STX18: variants seen among roughly 807,000 people sequenced by gnomAD.
The protein encoded by STX18 is syntaxin 18.
In STX18, 40 loss-of-function variants were observed where a neutral mutation model predicts 50.1. That is an observed-to-expected ratio of 0.80 (90% confidence interval 0.62 to 1.04). The LOEUF (loss-of-function observed/expected upper bound fraction) is 1.04, where lower values mean the gene tolerates loss of function less well. STX18 is among the 50% of genes least tolerant of loss of function. The pLI, the probability that STX18 is intolerant of heterozygous loss-of-function variation, is 0.00. For synonymous variants in STX18, 158 were observed against 151.8 expected (o/e 1.04, Z -0.30); for missense variants, 410 against 415.8 (o/e 0.99, Z 0.12).
chr4:4,483,879 G>A (rs1200034720), intron 1 of STX18, among the ~76,000 whole-genome samples: 1 of 149,588 alleles, frequency 6.7e-6, no homozygotes, highest in Admixed American at 6.6e-5. Flanking sequence ...TTTCCTTTTT[G>A]AGACAGAGTG....
At chr4:4,462,691 C>CT (rs1727442997) in intron 2 of STX18, among the ~76,000 whole-genome samples, 1 of 150,202 alleles carries the variant, frequency 6.7e-6, no homozygotes, top group African/African-American at 2.4e-5. Context: ...GCAAAACCAC[C>CT]TTAAAAAAAA....
chr4:4,487,229 T>TG (rs1728738420), intron 1 of STX18, among the ~76,000 whole-genome samples: 2 of 152,078 alleles, frequency 1.3e-5, no homozygotes, highest in South Asian at 2.1e-4. Flanking sequence ...TGGCCATCAG[T>TG]GGGGGTTTGT....
chr4:4,491,047 A>G (rs980112454), intron 1 of STX18, among the ~76,000 whole-genome samples: 1 of 152,002 alleles, frequency 6.6e-6, no homozygotes, highest in Non-Finnish European at 1.5e-5. Context: ...ATCAGTGTTT[A>G]CTTTTGTTGT....
intron 1 of STX18, chr4:4,507,259 G>C (rs191272099): frequency 2.9e-6 from 2 of 690,162 alleles, no homozygotes; most frequent in Admixed American, 3.6e-5. Context: ...GTACTATAAA[G>C]AGTCCGGCAT....
intron 1 of STX18, among the ~76,000 whole-genome samples, chr4:4,527,036 T>C (rs1296304394): frequency 6.6e-6 from 1 of 152,180 alleles, no homozygotes; most frequent in Non-Finnish European, 1.5e-5. Flanking sequence ...AACTTCCTCT[T>C]GTCATTGCTT....
chr4:4,492,303 G>A (rs1560191689), intron 1 of STX18, among the ~76,000 whole-genome samples: 1 of 152,086 alleles, frequency 6.6e-6, no homozygotes, highest in East Asian at 1.9e-4. Context: ...TTTCCACAGA[G>A]TATAGGTGGT....
Position 4,493,290 on chromosome 4 carries a change from G to A in STX18, c.169-21584C>T, listed in dbSNP as rs555491032. Among the ~76,000 whole-genome samples, 30 of 68,282 alleles carry A rather than the reference G, an allele frequency of 4.4e-4. No individual in the cohort carries two copies. The East Asian group carries it at 5.6e-3, about 13-fold the overall frequency. 44.8% of individuals were successfully genotyped at this position (68,282 alleles called of 152,430 possible). On this transcript the variant is annotated intron_variant, in intron 1 of 10. Transcript: ENST00000306200. The stretch of plus-strand genomic sequence containing the variant: ...AGGCACAGGCATTCCCAACCCCCCC[G>A]CCCCCTCCACTGCCCATGGTTAATT...
rs984079489 is a variant in STX18, at chr4:4,507,575, G to C, written c.168+34222C>G. Reference sequence around the variant, plus strand: ...CCCAGGAGTGCACTCTGACAGCTGTGCACGACGCAAGCCTTGAGGACTTGA... The same window carrying C: ...CCCAGGAGTGCACTCTGACAGCTGTCCACGACGCAAGCCTTGAGGACTTGA... On this transcript the variant is annotated intron_variant, in intron 1 of 10. Transcript: ENST00000306200. 11 of 763,590 alleles carry C rather than the reference G, an allele frequency of 1.4e-5. No homozygotes were observed. The African/African-American group carries it at 1.9e-4, about 13-fold the overall frequency. 47.3% of individuals were successfully genotyped at this position (763,590 alleles called of 1,614,324 possible).
chr4:4,452,969 C>G (rs1333437865), intron 5 of STX18, among the ~76,000 whole-genome samples: 1 of 152,142 alleles, frequency 6.6e-6, no homozygotes, highest in Admixed American at 6.5e-5. Flanking sequence ...AGCCAGAGAA[C>G]TAAGATTGGA....
intron 2 of STX18, among the ~76,000 whole-genome samples, chr4:4,465,188 G>A (rs1330489874): frequency 6.6e-6 from 1 of 152,110 alleles, no homozygotes; most frequent in Non-Finnish European, 1.5e-5. Flanking sequence ...ACAGTGTGGC[G>A]ATTCCTCAAA....
chr4:4,460,745 C>T (rs1289142086), intron 2 of STX18, among the ~76,000 whole-genome samples: 1 of 152,084 alleles, frequency 6.6e-6, no homozygotes, highest in African/African-American at 2.4e-5. Context: ...GGATCTTGTT[C>T]TATTAGTTAC....
intron 2 of STX18, among the ~76,000 whole-genome samples, chr4:4,464,410 A>G (rs561156623): frequency 2.0e-5 from 3 of 152,308 alleles, no homozygotes; most frequent in African/African-American, 7.2e-5. Context: ...TGCTCGATAA[A>G]TATTTAGTGT....
chr4:4,491,410 C>T (rs868792799), intron 1 of STX18, among the ~76,000 whole-genome samples: 9 of 152,012 alleles, frequency 5.9e-5, no homozygotes, highest in African/African-American at 1.9e-4. Context: ...ATAATACTAA[C>T]GTAGGAAAAA....
At chr4:4,457,582 C>G in intron 3 of STX18, 82 bp from the exon 4 acceptor site, 2 of 1,017,630 alleles carry the variant, frequency 2.0e-6, no homozygotes, top group Non-Finnish European at 3.0e-6. Context: ...ACAACACTTT[C>G]TTTATTGAGA....
intron 1 of STX18, among the ~76,000 whole-genome samples, chr4:4,530,543 G>A (rs1731045449): frequency 6.6e-6 from 1 of 151,818 alleles, no homozygotes; most frequent in Non-Finnish European, 1.5e-5. Context: ...CATTATTATT[G>A]TATTATTAAG....
At position 4,487,764 on chromosome 4, in the gene STX18, C is replaced by A. The variant is rs536416853; in HGVS notation, c.169-16058G>T. 5.9e-5 allele frequency among the ~76,000 whole-genome samples: 9 copies of A among 152,324 alleles called. No individual in the cohort carries two copies. In the South Asian group the frequency reaches 1.9e-3, roughly 32 times the overall value. On this transcript the variant is annotated intron_variant, in intron 1 of 10. Coordinates refer to ENST00000306200, the MANE Select transcript of STX18 (RefSeq NM_016930.4). ...GCAAAAAAATGTATTTATACCCCAA[C>A]ATAATACATCCCACATCCCAGGAAT...
At chr4:4,462,324 T>C (rs939449224) in intron 2 of STX18, among the ~76,000 whole-genome samples, 3 of 152,212 alleles carry the variant, frequency 2.0e-5, no homozygotes, top group African/African-American at 7.2e-5. Context: ...GGAACTCTCA[T>C]ACCCACCTAA....
intron 2 of STX18, among the ~76,000 whole-genome samples, chr4:4,467,423 CTT>C (rs1284620249): frequency 6.6e-6 from 1 of 152,184 alleles, no homozygotes; most frequent in African/African-American, 2.4e-5. Flanking sequence ...GCTGTCATAA[CTT>C]TCTCACTGTT....
intron 1 of STX18, among the ~76,000 whole-genome samples, chr4:4,523,930 G>A (rs931138917): frequency 6.6e-6 from 1 of 151,850 alleles, no homozygotes; most frequent in Non-Finnish European, 1.5e-5. Context: ...CTCCTGTTAT[G>A]CCCTCTCCCT....
Sources: gnomAD v4.1 joint callset for allele counts (sites outside exome capture counted in the v4.1 genomes callset) on GRCh38, gnomAD v4.1.1 for gene constraint, MANE v1.5 for transcripts, NCBI Gene and HGNC (gene_info 2026-07-23, HGNC 2026-07-21) for gene names.